UBE2E2: variants seen among roughly 807,000 people sequenced by gnomAD.
UBE2E2 encodes ubiquitin-conjugating enzyme E2 E2.
In UBE2E2, 6 loss-of-function variants were observed where a neutral mutation model predicts 24.7. That is an observed-to-expected ratio of 0.24 (90% confidence interval 0.13 to 0.48). The LOEUF is 0.48. Ranked by LOEUF, UBE2E2 falls within the 20% of genes least tolerant of loss-of-function variation. UBE2E2 has a pLI of 0.99. For synonymous variants in UBE2E2, 104 were observed against 83.6 expected, an observed-to-expected ratio of 1.24 and a Z score of -1.33; for missense variants, 169 against 245.0, an observed-to-expected ratio of 0.69 and a Z score of 2.07.
intron 3 of UBE2E2, among the ~76,000 whole-genome samples, chr3:23,218,099 G>A (rs2201482): frequency 6.6e-6 from 1 of 152,070 alleles, no homozygotes; most frequent in East Asian, 1.9e-4. Flanking sequence ...ATGCATTGAA[G>A]GTGAGAGGGC....
chr3:23,481,202 G>T (rs1190623654), intron 3 of UBE2E2, among the ~76,000 whole-genome samples: 1 of 152,166 alleles, frequency 6.6e-6, no homozygotes, highest in African/African-American at 2.4e-5. Flanking sequence ...AGGACTGTTG[G>T]TTGTCTATAA....
chr3:23,460,107 C>G (rs1486431492), intron 3 of UBE2E2, among the ~76,000 whole-genome samples: 1 of 152,154 alleles, frequency 6.6e-6, no homozygotes, highest in East Asian at 1.9e-4. Flanking sequence ...CAGTAGATGA[C>G]ACTTTCAAGT....
At chr3:23,482,784 A>C (rs1459390909) in intron 3 of UBE2E2, among the ~76,000 whole-genome samples, 1 of 152,336 alleles carries the variant, frequency 6.6e-6, no homozygotes, top group African/African-American at 2.4e-5. Flanking sequence ...GAGCAACCTG[A>C]TTTGAGAATA....
chr3:23,214,068 C>T (rs965640259), intron 2 of UBE2E2, among the ~76,000 whole-genome samples: 1 of 152,114 alleles, frequency 6.6e-6, no homozygotes, highest in African/African-American at 2.4e-5. Flanking sequence ...TTAGTATAAT[C>T]TTTTCTGTCA....
At chr3:23,450,830 G>A (rs1326356716) in intron 3 of UBE2E2, among the ~76,000 whole-genome samples, 1 of 152,116 alleles carries the variant, frequency 6.6e-6, no homozygotes, top group Non-Finnish European at 1.5e-5. Context: ...AGTATGTGCA[G>A]TGCTATTACT....
At chr3:23,353,212 A>G (rs1479832565) in intron 3 of UBE2E2, among the ~76,000 whole-genome samples, 6 of 152,200 alleles carry the variant, frequency 3.9e-5, no homozygotes, top group Non-Finnish European at 8.8e-5. Flanking sequence ...CTCTCAATAA[A>G]TTAGGTATTG....
At chr3:23,563,807 A>G (rs1301314569) in intron 5 of UBE2E2, among the ~76,000 whole-genome samples, 6 of 152,068 alleles carry the variant, frequency 3.9e-5, no homozygotes, top group Non-Finnish European at 1.5e-5. Context: ...TATTTGCCCC[A>G]AGTAGTTAAT....
At chr3:23,215,438 C>G (rs1696449730) in intron 2 of UBE2E2, among the ~76,000 whole-genome samples, 1 of 152,128 alleles carries the variant, frequency 6.6e-6, no homozygotes, top group African/African-American at 2.4e-5. Context: ...TAGATCAAAT[C>G]TTTCTCTCCC....
rs1365978308 is a variant in UBE2E2 at position 23,474,512 on chromosome 3, T to C, written c.228-25096T>C. Among the ~76,000 whole-genome samples, 3 of 152,120 alleles carry C rather than the reference T, an allele frequency of 2.0e-5. No individual in the cohort carries two copies. Among genetic ancestry groups the C allele is most frequent in the African/African-American group, 4.8e-5 (2 of 41,362 alleles). ...TCACAAAAAAATCATAGAATTATAATGTATAATTTTGGAATTTATTGTTGA... is the reference window on the plus strand; with the variant it reads ...TCACAAAAAAATCATAGAATTATAACGTATAATTTTGGAATTTATTGTTGA... On this transcript the variant is annotated intron_variant, in intron 3 of 5. Transcript: ENST00000396703. The surrounding 1 kb of genome is among the most constrained non-coding windows in gnomAD (Gnocchi z 4.0).
At chr3:23,504,454 G>A (rs922951985) in intron 4 of UBE2E2, among the ~76,000 whole-genome samples, 4 of 152,108 alleles carry the variant, frequency 2.6e-5, no homozygotes, top group Non-Finnish European at 4.4e-5. Context: ...ATTTGTTGCT[G>A]TGGAATTTCT....
chr3:23,390,696 A>G (rs945872651), intron 3 of UBE2E2, among the ~76,000 whole-genome samples: 1 of 152,172 alleles, frequency 6.6e-6, no homozygotes. Context: ...CCAGAGCCCA[A>G]AAGCACTTCT....
At chr3:23,331,541 A>G (rs998034855) in intron 3 of UBE2E2, among the ~76,000 whole-genome samples, 8 of 152,106 alleles carry the variant, frequency 5.3e-5, no homozygotes, top group Non-Finnish European at 7.4e-5. Flanking sequence ...AGATAGGGTG[A>G]TCAGAGAAGA....
At chr3:23,545,847 A>G (rs773314123) in intron 5 of UBE2E2, among the ~76,000 whole-genome samples, 8 of 152,198 alleles carry the variant, frequency 5.3e-5, no homozygotes, top group Non-Finnish European at 1.0e-4. Flanking sequence ...AAAGAAGGAA[A>G]TAACATCTAC....
chr3:23,204,207 C>T (rs565045044), intron 1 of UBE2E2, among the ~76,000 whole-genome samples: 2 of 142,342 alleles, frequency 1.4e-5, no homozygotes, highest in Non-Finnish European at 3.1e-5. Context: ...TTGCCCTTTA[C>T]CATTTCTAAT....
intron 3 of UBE2E2, among the ~76,000 whole-genome samples, chr3:23,285,395 G>A (rs1178894414): frequency 6.6e-6 from 1 of 152,172 alleles, no homozygotes; most frequent in Admixed American, 6.5e-5. Context: ...ATACTTAGCA[G>A]TGGGATTGCT....
chr3:23,317,901 C>G (rs1347206505), intron 3 of UBE2E2, among the ~76,000 whole-genome samples: 1 of 151,692 alleles, frequency 6.6e-6, no homozygotes, highest in Non-Finnish European at 1.5e-5. Context: ...AAGTTAAAAC[C>G]AGGTACTGTG....
intron 3 of UBE2E2, among the ~76,000 whole-genome samples, chr3:23,332,792 C>T (rs1695101066): frequency 1.3e-5 from 2 of 150,468 alleles, no homozygotes; most frequent in Admixed American, 1.3e-4. Flanking sequence ...TATTTAGTTA[C>T]CTGGGAAATC....
intron 3 of UBE2E2, among the ~76,000 whole-genome samples, chr3:23,429,432 C>T (rs1301606546): frequency 6.6e-6 from 1 of 152,112 alleles, no homozygotes; most frequent in East Asian, 1.9e-4. Context: ...AACAACTATA[C>T]ACCATGACCA....
At chr3:23,350,687 A>G (rs971731193) in intron 3 of UBE2E2, among the ~76,000 whole-genome samples, 1 of 152,218 alleles carries the variant, frequency 6.6e-6, no homozygotes, top group African/African-American at 2.4e-5. Flanking sequence ...GTTTAGAGAA[A>G]AAAGAATAAA....
Sources: gnomAD v4.1 joint callset for allele counts (sites outside exome capture counted in the v4.1 genomes callset) on GRCh38, gnomAD v4.1.1 for gene constraint, Gnocchi (gnomAD v3.1) non-coding constraint, MANE v1.5 for transcripts, NCBI Gene and HGNC (gene_info 2026-07-23, HGNC 2026-07-21) for gene names.